MLST8: variants seen among roughly 807,000 people sequenced by gnomAD.
MLST8 encodes MTOR associated protein MLST8.
A neutral mutation model predicts 41.3 loss-of-function variants in MLST8; 20 were observed. The ratio of observed to expected loss-of-function variants is 0.48; its 90% confidence interval spans 0.34 to 0.70. The LOEUF is 0.70. Ranked by LOEUF, MLST8 falls within the 30% of genes least tolerant of loss-of-function variation. The probability of loss-of-function intolerance (pLI) is 0.01; values close to 1 mark genes in which losing one functional copy is unlikely to be tolerated. For missense variants in MLST8, 422 were observed against 454.3 expected (o/e 0.93, Z 0.65); for synonymous variants, 243 against 183.0 (o/e 1.33, Z -2.65).
Position 2,207,182 on chromosome 16 carries a change from C to T in MLST8, c.421-11C>T, listed in dbSNP as rs1334886315. On this transcript the variant is annotated splice_polypyrimidine_tract_variant and intron_variant, in intron 5 of 8. Transcript: ENST00000569417. ...GGGCTTGGGCCCTGCCTCACCACCC[C>T]TGCACCCCAGGCAGAGCTCATCGTG... 1.9e-6 allele frequency: 3 copies of T among 1,613,572 alleles called. No individual in the cohort carries two copies. Among genetic ancestry groups the T allele is most frequent in the East Asian group, 2.2e-5 (1 of 44,872 alleles).
rs528352230 is a variant in MLST8, at chr16:2,208,885, C to T, written c.*8C>T. ...GACAGTGTGCTGGGCTAGCCTGTGA[C>T]CCCTCGGGACTGCCTGGTGCAGGTG... On this transcript the variant is annotated 3_prime_UTR_variant, in exon 9 of 9. Transcript: ENST00000569417. 1.2e-5 allele frequency: 20 copies of T among 1,612,632 alleles called. 1 individual carries two copies. Among genetic ancestry groups the T allele is most frequent in the African/African-American group, 8.0e-5 (6 of 75,036 alleles).
At position 2,207,356 on chromosome 16, in the gene MLST8, G is replaced by C. The variant is rs370903233; in HGVS notation, c.573+11G>C. On this transcript the variant is annotated intron_variant, in intron 6 of 8. Transcript: ENST00000569417. Reference sequence around the variant, plus strand: ...GCTGTCAATAGCACCGTGAGTCCTGGTGGCAGGTGCTGGGTGCGGGCAGCT... The same window carrying C: ...GCTGTCAATAGCACCGTGAGTCCTGCTGGCAGGTGCTGGGTGCGGGCAGCT... The C allele has an allele frequency of 6.8e-6, 11 of 1,612,614 alleles. No individual in the cohort carries two copies. The highest frequency in any genetic ancestry group is 9.3e-6 in the Non-Finnish European group (11 of 1,178,874).
rs767137398 is a variant in MLST8, at chr16:2,207,282, G to C, written c.510G>C (p.Glu170Asp). ...DHNEQLIPEP[E>D]VSITSAHIDP... ...ACGAGCAGCTGATCCCTGAGCCCGAGGTCTCCATCACGTCCGCCCACATCG... is the reference window on the plus strand; with the variant it reads ...ACGAGCAGCTGATCCCTGAGCCCGACGTCTCCATCACGTCCGCCCACATCG... The change falls in exon 6 of 9, where the codon GAG becomes GAC. Residue 170 changes from glutamate to aspartate, a missense_variant. Transcript: ENST00000569417. The C allele has an allele frequency of 1.9e-6, 3 of 1,614,186 alleles. No individual in the cohort carries two copies. The highest frequency in any genetic ancestry group is 2.2e-5 in the East Asian group (1 of 44,876).
Position 2,206,604 on chromosome 16 carries a change from G to A in MLST8, c.289G>A (p.Gly97Ser), listed in dbSNP as rs1489600551. ...NIASVGFHEDGRWMYTGGEDC... is the reference protein window; with the variant it reads ...NIASVGFHEDSRWMYTGGEDC... ...CGCGTCTGTGGGCTTCCACGAAGAC[G>A]GCCGCTGGATGTACACGGGCGGCGA... Residue 97 changes from glycine to serine, a missense_variant, in exon 4 of 9, where the codon GGC becomes AGC. Transcript: ENST00000569417. The A allele has an allele frequency of 6.2e-7, 1 of 1,613,992 alleles. No homozygotes were observed. The highest frequency in any genetic ancestry group is 1.7e-5 in the Admixed American group (1 of 59,986).
Position 2,209,302 on chromosome 16 carries a change from G to A in MLST8, c.*425G>A, listed in dbSNP as rs1596733349. ...CCTGCCAGCAGCTGTCCTCCCTGGT[G>A]CAGGTGGCCTGGCCAGCCCACTGGA... On this transcript the variant is annotated 3_prime_UTR_variant, in exon 9 of 9. Transcript: ENST00000569417. 1 of 1,454,584 alleles carries A rather than the reference G, an allele frequency of 6.9e-7. No individual in the cohort carries two copies. Among genetic ancestry groups the A allele is most frequent in the Middle Eastern group, 1.8e-4 (1 of 5,568 alleles). The allele number at this position is 1,454,584 out of a possible 1,614,324, so 90.1% of individuals were successfully genotyped here.
intron 4 of MLST8, 145 bp from the exon 5 acceptor site, chr16:2,206,890 C>T (rs975253408): frequency 3.0e-5 from 36 of 1,191,688 alleles, no homozygotes; most frequent in Admixed American, 5.5e-5. Context: ...AGGCTCCCTG[C>T]TGGAGCAGAG....
intron 4 of MLST8, 99 bp from the exon 5 acceptor site, chr16:2,206,936 C>T (rs2093302968): frequency 2.1e-6 from 3 of 1,448,496 alleles, no homozygotes; most frequent in Non-Finnish European, 2.9e-6. Flanking sequence ...AGAGGCAGGT[C>T]CTTCAGCAGA....
chr16:2,206,448 G>A, intron 3 of MLST8, 39 bp downstream of exon 3: 3 of 1,613,818 alleles, frequency 1.9e-6, no homozygotes, highest in Non-Finnish European at 2.5e-6. Context: ...CTGAGCTCTG[G>A]TGGGTCGACC....
At position 2,206,177 on chromosome 16, in the gene MLST8, G is replaced by A; in HGVS notation, c.92G>A (p.Ser31Asn). The A allele has an allele frequency of 6.2e-7, 1 of 1,611,334 alleles. No homozygotes were observed. The highest frequency in any genetic ancestry group is 8.5e-7 in the Non-Finnish European group (1 of 1,179,378). ...ACCGTGCGCTTCTGGCAGGCCCACA[G>A]CGGCATCTGCACCCGGACGGTGCAG... ...DHTVRFWQAH[S>N]GICTRTVQHQ... The change falls in exon 2 of 9, where the codon AGC becomes AAC. Residue 31 changes from serine (S) to asparagine (N), a missense_variant. Coordinates refer to ENST00000569417, the MANE Select transcript of MLST8 (RefSeq NM_022372.6).
intron 4 of MLST8, 31 bp from the exon 5 acceptor site, chr16:2,207,004 T>C: frequency 6.2e-7 from 1 of 1,611,242 alleles, no homozygotes; most frequent in Non-Finnish European, 8.5e-7. Flanking sequence ...CAAGCCCAGA[T>C]GGACAGCATG....
intron 1 of MLST8, chr16:2,205,781 T>TC (rs2093270946): frequency 1.9e-5 from 20 of 1,056,240 alleles, no homozygotes; most frequent in South Asian, 3.9e-5. Flanking sequence ...CGCGCGTGAC[T>TC]CCCCCCTGCC....
In MLST8 at chr16:2,208,580, G is replaced by A. The variant is rs766166968; in HGVS notation, c.829G>A (p.Ala277Thr). 15 of 1,612,542 alleles carry A rather than the reference G, an allele frequency of 9.3e-6. No individual in the cohort carries two copies. The highest frequency in any genetic ancestry group is 1.3e-5 in the Non-Finnish European group (15 of 1,179,730). The change falls in exon 8 of 9, where the codon GCC (alanine) becomes ACC (threonine). Residue 277 changes from alanine to threonine, a missense_variant. Transcript: ENST00000569417. ...CTCCCGCGGCTGGATGTGGGGCTGC[G>A]CCTTCTCGGGGGACTCCCAGTACAT... ...ESSRGWMWGC[A>T]FSGDSQYIVT...
rs775982928 is a variant in MLST8, at chr16:2,207,086, C to G, written c.396C>G (p.Asn132Lys). ...TCTTCCAGGTGAACGCACCCATTAACTGCGTGTGCCTGCACCCCAACCAGG... is the reference window on the plus strand; with the variant it reads ...TCTTCCAGGTGAACGCACCCATTAAGTGCGTGTGCCTGCACCCCAACCAGG... ...QRIFQVNAPI[N>K]CVCLHPNQAE... The change falls in exon 5 of 9, where the codon AAC becomes AAG. Residue 132 changes from asparagine (N) to lysine (K), a missense_variant. Coordinates refer to ENST00000569417, the MANE Select transcript of MLST8 (RefSeq NM_022372.6). 2 of 1,613,856 alleles carry G rather than the reference C, an allele frequency of 1.2e-6. No homozygotes were observed. Among genetic ancestry groups the G allele is most frequent in the Middle Eastern group, 1.6e-4 (1 of 6,062 alleles).
rs1232250534 is a variant in MLST8, at chr16:2,207,075, G to T, written c.385G>T (p.Ala129Ser). 17 of 1,613,628 alleles carry T rather than the reference G, an allele frequency of 1.1e-5. No homozygotes were observed. Among genetic ancestry groups the T allele is most frequent in the Non-Finnish European group, 1.4e-5 (16 of 1,180,006 alleles). ...LQCQRIFQVNAPINCVCLHPN... is the reference protein window; with the variant it reads ...LQCQRIFQVNSPINCVCLHPN... ...GTGCCAGCGGATCTTCCAGGTGAAC[G>T]CACCCATTAACTGCGTGTGCCTGCA... The change falls in exon 5 of 9, where the codon GCA (alanine) becomes TCA (serine). Residue 129 changes from alanine (A) to serine (S), a missense_variant. Transcript: ENST00000569417.
intron 8 of MLST8, 40 bp downstream of exon 8, chr16:2,208,653 C>A (rs778040684): frequency 4.3e-6 from 7 of 1,612,080 alleles, no homozygotes; most frequent in Non-Finnish European, 5.9e-6. Flanking sequence ...TGGCCCCCGG[C>A]GCTGGCCTCC....
Position 2,209,447 on chromosome 16 carries a change from C to T in MLST8, c.*570C>T. 1.2e-5 allele frequency: 20 copies of T among 1,613,684 alleles called. No homozygotes were observed. Among genetic ancestry groups the T allele is most frequent in the Non-Finnish European group, 1.7e-5 (20 of 1,179,990 alleles). On this transcript the variant is annotated 3_prime_UTR_variant, in exon 9 of 9. Transcript: ENST00000569417. ...GATGCAGAGATAAATCAGCCGCTGT[C>T]TCCGGGGCCCTGTGGCGAGGGTGCC...
chr16:2,207,686 CT>C, intron 6 of MLST8: 2 of 361,482 alleles, frequency 5.5e-6, no homozygotes, highest in Non-Finnish European at 1.0e-5. Flanking sequence ...CCCCTGGCCC[CT>C]GACACGTTCT....
In MLST8 at chr16:2,207,223, G is replaced by A; in HGVS notation, c.451G>A (p.Ala151Thr). The A allele has an allele frequency of 1.9e-6, 3 of 1,614,164 alleles. No individual in the cohort carries two copies. The highest frequency in any genetic ancestry group is 2.5e-6 in the Non-Finnish European group (3 of 1,180,018). The part of the protein sequence containing the change: ...AELIVGDQSG[A>T]IHIWDLKTDH... Reference sequence around the variant, plus strand: ...GCTCATCGTGGGTGACCAGAGCGGGGCTATCCACATCTGGGACTTGAAAAC... The same window carrying A: ...GCTCATCGTGGGTGACCAGAGCGGGACTATCCACATCTGGGACTTGAAAAC... The change falls in exon 6 of 9, where the codon GCT becomes ACT. Residue 151 changes from alanine (A) to threonine (T), a missense_variant. Coordinates refer to ENST00000569417, the MANE Select transcript of MLST8 (RefSeq NM_022372.6).
chr16:2,205,973 T>A lies in MLST8; in HGVS notation c.-55-58T>A, dbSNP rs551680856. On this transcript the variant is annotated intron_variant, in intron 1 of 8. Transcript: ENST00000569417. ...GCGCCATTCGGCAGCGCCTTGTGGG[T>A]CTATAATCTACTTAGCACAGAGAGT... The A allele has an allele frequency of 6.3e-5, 93 of 1,476,270 alleles. 1 individual carries two copies. In the South Asian group the frequency reaches 1.3e-3, roughly 20 times the overall value. 91.4% of individuals were successfully genotyped at this position (1,476,270 alleles called of 1,614,324 possible). A position where few individuals can be genotyped will look rare whatever the true frequency, so the allele number is the denominator to read the frequency against.
Sources: gnomAD v4.1 joint callset for allele counts on GRCh38, gnomAD v4.1.1 for gene constraint, MANE v1.5 for transcripts, NCBI Gene and HGNC (gene_info 2026-07-23, HGNC 2026-07-21) for gene names.